The following NXPE2 variants were observed in gnomAD, a reference collection of about 807,000 sequenced individuals.
The protein encoded by NXPE2 is NXPE family member 2.
A neutral mutation model predicts 34.4 loss-of-function variants in NXPE2; 34 were observed. The observed-to-expected ratio is 0.99, with a 90% CI of 0.75 to 1.31. The LOEUF (loss-of-function observed/expected upper bound fraction) is 1.31. NXPE2 is among the 40% of genes most tolerant of loss of function. The pLI is 0.00. For synonymous variants in NXPE2, 235 were observed against 231.3 expected (o/e 1.02, Z -0.15); for missense variants, 649 against 672.5 (o/e 0.97, Z 0.39).
intron 2 of NXPE2, among the ~76,000 whole-genome samples, chr11:114,696,391 A>G (rs1364524889): frequency 6.6e-6 from 1 of 151,650 alleles, no homozygotes; most frequent in African/African-American, 2.4e-5. Flanking sequence ...ACCATAAGCT[A>G]GCATCCATTT....
the NXPE2 span, among the ~76,000 whole-genome samples, chr11:114,525,625 C>G: frequency 3.3e-5 from 5 of 152,140 alleles, no homozygotes; most frequent in Non-Finnish European, 7.3e-5. Context: ...CTGTTTTTCC[C>G]TTCTGTGCAG....
chr11:114,503,958 T>TG, the NXPE2 span, among the ~76,000 whole-genome samples: 3 of 152,270 alleles, frequency 2.0e-5, no homozygotes, highest in African/African-American at 4.8e-5. Context: ...AGGGCAGTCT[T>TG]GGGGGGCTCT....
At chr11:114,619,298 G>A in the NXPE2 span, among the ~76,000 whole-genome samples, 31 of 152,150 alleles carry the variant, frequency 2.0e-4, no homozygotes, top group Non-Finnish European at 1.9e-4. Context: ...TGCCTCGTGG[G>A]TAACCACTGT....
downstream of NXPE2, among the ~76,000 whole-genome samples, chr11:114,709,850 C>T (rs957505203): frequency 7.3e-5 from 11 of 151,148 alleles, no homozygotes; most frequent in Admixed American, 2.0e-4. Context: ...TGCAGTGAGC[C>T]AAGATCATGC....
chr11:114,621,725 C>G, the NXPE2 span, among the ~76,000 whole-genome samples: 3 of 150,808 alleles, frequency 2.0e-5, no homozygotes, highest in Admixed American at 6.6e-5. Flanking sequence ...AATGATTGCC[C>G]TGTGGGTAAC....
chr11:114,640,745 T>C, the NXPE2 span, among the ~76,000 whole-genome samples: 3 of 152,036 alleles, frequency 2.0e-5, no homozygotes, highest in African/African-American at 7.2e-5. Flanking sequence ...TTGGTGTTTG[T>C]ATGTCTTCTT....
the NXPE2 span, among the ~76,000 whole-genome samples, chr11:114,651,177 C>T: frequency 2.0e-5 from 3 of 152,012 alleles, no homozygotes; most frequent in Non-Finnish European, 2.9e-5. Flanking sequence ...AGAATGAAGC[C>T]GTGGACCCTC....
At chr11:114,725,879 A>G in the NXPE2 span, among the ~76,000 whole-genome samples, 1 of 151,020 alleles carries the variant, frequency 6.6e-6, no homozygotes, top group Non-Finnish European at 1.5e-5. Flanking sequence ...TCCCCAGTTA[A>G]GTTCTCCTAG....
rs1314343980 is a variant in NXPE2, at chr11:114,706,554, T to C, written c.1304T>C (p.Ile435Thr). Residue 435 changes from isoleucine to threonine, a missense_variant, in exon 6 of 6, where the codon ATT (isoleucine) becomes ACT (threonine). Physicochemically the swap from Ile to Thr is moderately conservative, Grantham distance 89. Coordinates refer to ENST00000389586, the MANE Select transcript of NXPE2 (RefSeq NM_182495.6). ...VKDENYIPRE[I>T]DQVAGDKNTA... ...GATGAAAACTATATCCCACGGGAAA[T>C]TGACCAGGTAGCAGGAGACAAAAAC... The C allele has an allele frequency of 3.4e-5, 53 of 1,551,772 alleles. No individual in the cohort carries two copies. Among genetic ancestry groups the C allele is most frequent in the East Asian group, 4.9e-5 (2 of 41,076 alleles).
chr11:114,572,957 G>A, the NXPE2 span, among the ~76,000 whole-genome samples: 1 of 152,128 alleles, frequency 6.6e-6, no homozygotes, highest in Non-Finnish European at 1.5e-5. Context: ...TAAGAGCTGT[G>A]AGGCAAAGGT....
At chr11:114,681,666 C>T (rs758083584) in intron 2 of NXPE2, among the ~76,000 whole-genome samples, 9 of 152,112 alleles carry the variant, frequency 5.9e-5, no homozygotes, top group East Asian at 3.9e-4. Context: ...TTTAACATAA[C>T]GATTATAATT....
At chr11:114,803,842 TGCTGCGATTACAGGCATGA>T in the NXPE2 span, among the ~76,000 whole-genome samples, 1 of 152,006 alleles carries the variant, frequency 6.6e-6, no homozygotes, top group African/African-American at 2.4e-5. Context: ...CCTCCCAAAA[TGCTGCGATTACAGGCATGA>T]GCCACCATGC....
chr11:114,550,509 T>C, the NXPE2 span, among the ~76,000 whole-genome samples: 1 of 152,126 alleles, frequency 6.6e-6, no homozygotes, highest in Non-Finnish European at 1.5e-5. Context: ...ATTAGGATAA[T>C]TGGAGAGTCA....
the NXPE2 span, among the ~76,000 whole-genome samples, chr11:114,631,732 C>A: frequency 6.6e-6 from 1 of 151,764 alleles, no homozygotes; most frequent in Non-Finnish European, 1.5e-5. Context: ...ATAAGTATTG[C>A]CTCGTGGGTA....
chr11:114,663,690 C>CTATCTATA, the NXPE2 span, among the ~76,000 whole-genome samples: 20 of 147,264 alleles, frequency 1.4e-4, no homozygotes, highest in Admixed American at 2.0e-4. Flanking sequence ...ATCTATCTAT[C>CTATCTATA]TATCTATCTA....
chr11:114,704,185 G>T, intron 4 of NXPE2, 133 bp downstream of exon 4: 4 of 644,378 alleles, frequency 6.2e-6, no homozygotes, highest in South Asian at 2.4e-5. Flanking sequence ...AACCACCTTG[G>T]GTTTTAGAGA....
the NXPE2 span, among the ~76,000 whole-genome samples, chr11:114,794,389 A>G: frequency 1.3e-5 from 2 of 152,160 alleles, no homozygotes; most frequent in Non-Finnish European, 2.9e-5. Context: ...AGTTGGCCCA[A>G]TCATGATGAA....
At chr11:114,617,063 G>A in the NXPE2 span, among the ~76,000 whole-genome samples, 3 of 150,924 alleles carry the variant, frequency 2.0e-5, no homozygotes, top group Admixed American at 6.6e-5. Context: ...AGTAAGTATT[G>A]CCTCTTGGGT....
the NXPE2 span, among the ~76,000 whole-genome samples, chr11:114,661,039 T>C: frequency 4.1e-4 from 63 of 152,284 alleles, no homozygotes; most frequent in Non-Finnish European, 8.1e-4. Flanking sequence ...GAAATACTTA[T>C]GTGTAAATCT....
Sources: gnomAD v4.1 joint callset for allele counts (sites outside exome capture counted in the v4.1 genomes callset) on GRCh38, gnomAD v4.1.1 for gene constraint, MANE v1.5 for transcripts, NCBI Gene and HGNC (gene_info 2026-07-23, HGNC 2026-07-21) for gene names.